ARHGEF12: variants seen among roughly 807,000 people sequenced by gnomAD.
ARHGEF12 encodes KMT2A/ARHGEF12 fusion protein.
In ARHGEF12, 66 loss-of-function variants were observed where a neutral mutation model predicts 211.2. The observed-to-expected ratio is 0.31, with a 90% confidence interval of 0.26 to 0.38. ARHGEF12 has a LOEUF of 0.38. ARHGEF12 is among the 10% of genes least tolerant of loss of function. The probability of loss-of-function intolerance (pLI) is 1.00; values close to 1 mark genes in which losing one functional copy is unlikely to be tolerated. For synonymous variants in ARHGEF12, 592 were observed against 638.4 expected (o/e 0.93, Z 1.09); for missense variants, 1,429 against 1,869.5 (o/e 0.76, Z 4.34).
At chr11:120,470,130 G>T (rs907530822) in intron 30 of ARHGEF12, among the ~76,000 whole-genome samples, 4 of 152,206 alleles carry the variant, frequency 2.6e-5, no homozygotes, top group Non-Finnish European at 5.9e-5. Flanking sequence ...TCAGGTTAAA[G>T]ATTTTGATTT....
intron 1 of ARHGEF12, among the ~76,000 whole-genome samples, chr11:120,354,961 G>T (rs1288594163): frequency 6.6e-6 from 1 of 152,158 alleles, no homozygotes; most frequent in African/African-American, 2.4e-5. Context: ...TGGGGTAAAG[G>T]TCTGTTAGTT....
chr11:120,413,437 G>A (rs1213901767), intron 4 of ARHGEF12, among the ~76,000 whole-genome samples: 1 of 152,184 alleles, frequency 6.6e-6, no homozygotes, highest in Non-Finnish European at 1.5e-5. Flanking sequence ...AGTTTTGAAT[G>A]AATGATTGTT....
At chr11:120,417,752 TACCA>T (rs1945074667) in intron 4 of ARHGEF12, among the ~76,000 whole-genome samples, 1 of 152,172 alleles carries the variant, frequency 6.6e-6, no homozygotes, top group South Asian at 2.1e-4. Flanking sequence ...TGTCTCAGCC[TACCA>T]AAGTGCTGAG....
In ARHGEF12 at chr11:120,428,192, A is replaced by G; in HGVS notation, c.530A>G (p.His177Arg). The G allele has an allele frequency of 6.2e-7, 1 of 1,611,718 alleles. No homozygotes were observed. Among genetic ancestry groups the G allele is most frequent in the Non-Finnish European group, 8.5e-7 (1 of 1,179,062 alleles). ...GHMSPIMTSP[H>R]SPGASGNMER... ...ATGTCTCCCATCATGACATCTCCTC[A>G]TTCACCTGGAGCATCTGGGAATATG... is the stretch of plus-strand genomic sequence containing the variant. The change falls in exon 8 of 41, where the codon CAT (histidine) becomes CGT (arginine). Residue 177 changes from histidine (H) to arginine (R), a missense_variant. Physicochemically the swap from His to Arg is conservative, Grantham distance 29 (BLOSUM62 0). Transcript: ENST00000397843.
intron 1 of ARHGEF12, among the ~76,000 whole-genome samples, chr11:120,371,786 T>C (rs1183512765): frequency 6.6e-6 from 1 of 152,222 alleles, no homozygotes; most frequent in Non-Finnish European, 1.5e-5. Context: ...TATTGTTGGA[T>C]GTATTTCCTC....
At chr11:120,365,878 T>G (rs1396385186) in intron 1 of ARHGEF12, 1 of 151,624 alleles carries the variant, frequency 6.6e-6, no homozygotes, top group Non-Finnish European at 1.5e-5. Flanking sequence ...CTGTTAACAC[T>G]TCCAACACCA....
chr11:120,440,907 T>C (rs957759676), intron 13 of ARHGEF12, among the ~76,000 whole-genome samples: 1 of 152,190 alleles, frequency 6.6e-6, no homozygotes, highest in Non-Finnish European at 1.5e-5. Flanking sequence ...GTTTTTATCA[T>C]CACTGGATGT....
At position 120,486,941 on chromosome 11, in the gene ARHGEF12, G is replaced by A. The variant is rs1329572499; in HGVS notation, c.*1864G>A. On this transcript the variant is annotated 3_prime_UTR_variant, in exon 41 of 41. Coordinates refer to ENST00000397843, the MANE Select transcript of ARHGEF12 (RefSeq NM_015313.3). ...CAGAATGGGATTAAAAATTTTAGAA[G>A]CAGAAGCTAATATATAAATGAAGTT... is the stretch of plus-strand genomic sequence containing the variant. The A allele has an allele frequency of 9.5e-6, 2 of 211,008 alleles. No individual in the cohort carries two copies. The highest frequency in any genetic ancestry group is 1.4e-4 in the East Asian group (2 of 14,008). 13.1% of individuals were successfully genotyped at this position (211,008 alleles called of 1,614,324 possible).
At chr11:120,380,728 C>T (rs1943854928) in intron 1 of ARHGEF12, among the ~76,000 whole-genome samples, 1 of 152,162 alleles carries the variant, frequency 6.6e-6, no homozygotes, top group Admixed American at 6.5e-5. Context: ...AAGTCCAACC[C>T]ACACTTTAGG....
chr11:120,399,288 T>C (rs1355957829), intron 1 of ARHGEF12, among the ~76,000 whole-genome samples: 4 of 109,878 alleles, frequency 3.6e-5, no homozygotes, highest in African/African-American at 1.4e-4. Context: ...GCCACTGCAC[T>C]CCAGCCTGAG....
At chr11:120,458,943 TA>T (rs1008445412) in intron 25 of ARHGEF12, 164 of 284,292 alleles carry the variant, frequency 5.8e-4, no homozygotes, top group East Asian at 1.2e-3. Flanking sequence ...GGGAATACAC[TA>T]AAAAAAATAG....
At chr11:120,385,540 G>A (rs1944003828) in intron 1 of ARHGEF12, 4 of 959,530 alleles carry the variant, frequency 4.2e-6, no homozygotes, top group Non-Finnish European at 1.2e-6. Flanking sequence ...GAGCAAAATG[G>A]TAGAAAAATA....
intron 1 of ARHGEF12, among the ~76,000 whole-genome samples, chr11:120,380,569 A>G (rs1943850242): frequency 6.6e-6 from 1 of 152,136 alleles, no homozygotes; most frequent in African/African-American, 2.4e-5. Flanking sequence ...AGACTGGGTT[A>G]TGCGTTTTTG....
chr11:120,429,307 C>T (rs1945455407), intron 8 of ARHGEF12, 133 bp from the exon 9 acceptor site: 4 of 610,958 alleles, frequency 6.5e-6, no homozygotes, highest in Non-Finnish European at 5.6e-6. Flanking sequence ...CCACATAACC[C>T]GGAAGTAAAA....
At chr11:120,394,926 G>A (rs1436940634) in intron 1 of ARHGEF12, among the ~76,000 whole-genome samples, 5 of 151,322 alleles carry the variant, frequency 3.3e-5, no homozygotes, top group Admixed American at 6.6e-5. Context: ...GCATTGTGGC[G>A]CGAACCTGTA....
chr11:120,477,679 A>G, intron 36 of ARHGEF12, 153 bp downstream of exon 36: 1 of 595,092 alleles, frequency 1.7e-6, no homozygotes, highest in South Asian at 2.6e-5. Flanking sequence ...AACCTGACCA[A>G]CATGACAAAA....
At chr11:120,396,470 A>G (rs1472373593) in intron 1 of ARHGEF12, among the ~76,000 whole-genome samples, 1 of 152,230 alleles carries the variant, frequency 6.6e-6, no homozygotes, top group African/African-American at 2.4e-5. Flanking sequence ...TAACATTACT[A>G]GTGTTAAGTC....
chr11:120,434,538 GT>G (rs957832969), intron 11 of ARHGEF12, among the ~76,000 whole-genome samples: 1 of 152,142 alleles, frequency 6.6e-6, no homozygotes, highest in African/African-American at 2.4e-5. Context: ...GTCTGCTTTT[GT>G]TGTTGTTTTA....
rs754910589 is a variant in ARHGEF12 at position 120,440,089 on chromosome 11, C to T, written c.1000-40C>T. The T allele has an allele frequency of 4.2e-6, 6 of 1,412,050 alleles. No homozygotes were observed. In the East Asian group the frequency reaches 1.4e-4, roughly 32 times the overall value. 87.5% of individuals were successfully genotyped at this position (1,412,050 alleles called of 1,614,324 possible). A position where few individuals can be genotyped will look rare whatever the true frequency, so the allele number is the denominator to read the frequency against. On this transcript the variant is annotated intron_variant, in intron 12 of 40. Coordinates refer to ENST00000397843, the MANE Select transcript of ARHGEF12 (RefSeq NM_015313.3). The stretch of plus-strand genomic sequence containing the variant: ...TTTATTCTTTTTCTAAATTTGACCA[C>T]CAGGTAATTTTTCTGTTTCTTTTCC...
Sources: allele counts gnomAD v4.1 joint callset (sites outside exome capture counted in the v4.1 genomes callset), GRCh38; gene constraint gnomAD v4.1.1; transcripts MANE v1.5; gene names NCBI Gene and HGNC (gene_info 2026-07-23, HGNC 2026-07-21).